The following ZC2HC1B variants were observed in gnomAD, a reference collection of about 807,000 sequenced individuals.
ZC2HC1B encodes zinc finger C2HC-type containing 1B.
ZC2HC1B carries 36 observed loss-of-function variants against 31.0 expected under a neutral mutation model. The ratio of observed to expected loss-of-function variants is 1.16; its 90% CI spans 0.89 to 1.54. ZC2HC1B has a LOEUF of 1.54. Among genes scored for constraint, ZC2HC1B ranks in the 40% most tolerant of loss-of-function variants. The probability of loss-of-function intolerance (pLI) is 0.00; values close to 1 mark genes in which losing one functional copy is unlikely to be tolerated. For missense variants in ZC2HC1B, 260 were observed against 268.6 expected (o/e 0.97, Z 0.22); for synonymous variants, 73 against 88.0 (o/e 0.83, Z 0.95).
At chr6:143,900,217 C>T (rs934301547) in intron 5 of ZC2HC1B, among the ~76,000 whole-genome samples, 7 of 151,832 alleles carry the variant, frequency 4.6e-5, no homozygotes, top group African/African-American at 1.7e-4. Flanking sequence ...TGGAGAAACC[C>T]CGTCTCTACT....
In ZC2HC1B at chr6:143,903,088, T is replaced by C; in HGVS notation, c.534T>C (p.Ser178=). The change falls in exon 6 of 8, where the codon AGT becomes AGC. Residue 178 remains serine, a synonymous_variant. Coordinates refer to ENST00000237275, the MANE Select transcript of ZC2HC1B (RefSeq NM_001013623.3). The surrounding 1 kb of genome is among the most constrained non-coding windows in gnomAD (Gnocchi z 4.3). ...CAAAAAAAGAACCAACTGTTACCAG[T>C]GCTGTGGGAGCTTTGCTGCAGAACA... ...MGPKKEPTVT[S]AVGALLQNRV... 1.3e-6 allele frequency: 2 copies of C among 1,551,940 alleles called. No individual in the cohort carries two copies. The highest frequency in any genetic ancestry group is 8.7e-7 in the Non-Finnish European group (1 of 1,147,018).
rs527255975 is a variant in ZC2HC1B, at chr6:143,934,465, A to G, written c.599-3184A>G. ...GCATTTCATCAATTTTTTTGTTGCAATCTGTTGCTGGAGAATTGTATTCCT... is the reference window on the plus strand; with the variant it reads ...GCATTTCATCAATTTTTTTGTTGCAGTCTGTTGCTGGAGAATTGTATTCCT... On this transcript the variant is annotated intron_variant, in intron 6 of 7. Transcript: ENST00000237275. This position sits in a 1 kb window ranked among gnomAD's most constrained non-coding sequence, Gnocchi z 4.6. Among the ~76,000 whole-genome samples the G allele has an allele frequency of 7.0e-4, 107 of 152,142 alleles. No individual in the cohort carries two copies. Among genetic ancestry groups the G allele is most frequent in the Non-Finnish European group, 1.4e-3 (92 of 68,004 alleles).
rs774028763 is a variant in ZC2HC1B, at chr6:143,926,828, CTTTTTTTTTTT to C, written c.599-10805_599-10795del. Among the ~76,000 whole-genome samples the C allele has an allele frequency of 2.4e-3, 188 of 78,828 alleles. 1 individual carries two copies. The highest frequency in any genetic ancestry group is 6.4e-3 in the African/African-American group (122 of 19,058). 51.7% of individuals were successfully genotyped at this position (78,828 alleles called of 152,430 possible). A position where few individuals can be genotyped will look rare whatever the true frequency, so the allele number is the denominator to read the frequency against. On this transcript the variant is annotated intron_variant, in intron 6 of 7. Coordinates refer to ENST00000237275, the MANE Select transcript of ZC2HC1B (RefSeq NM_001013623.3). ...TCATATATATTTAGAATTGTATCTT[CTTTTTTTTTTT>C]TTTTTTTTTTTTTTTGAGACGGAGT... is the stretch of plus-strand genomic sequence containing the variant.
At chr6:143,879,008 T>C (rs1777438256) in intron 1 of ZC2HC1B, among the ~76,000 whole-genome samples, 1 of 152,006 alleles carries the variant, frequency 6.6e-6, no homozygotes, top group Non-Finnish European at 1.5e-5. Flanking sequence ...AGACTTGCGG[T>C]GTGGGGCAGG....
chr6:143,910,130 A>T (rs1429848086), intron 6 of ZC2HC1B, among the ~76,000 whole-genome samples: 2 of 152,200 alleles, frequency 1.3e-5, no homozygotes, highest in Non-Finnish European at 2.9e-5. Flanking sequence ...AATTTCAAAG[A>T]ACTTGATTTC....
Position 143,886,903 on chromosome 6 carries a change from G to C in ZC2HC1B, c.349+82G>C, listed in dbSNP as rs1399874767. ...CATGCCCTCTATGCACTCTGAAATTGACAATAACAATTACATAGAAGTAAT... is the reference window on the plus strand; with the variant it reads ...CATGCCCTCTATGCACTCTGAAATTCACAATAACAATTACATAGAAGTAAT... On this transcript the variant is annotated intron_variant, in intron 4 of 7. Transcript: ENST00000237275. The surrounding 1 kb of genome is among the most constrained non-coding windows in gnomAD (Gnocchi z 4.2). 1.1e-5 allele frequency: 13 copies of C among 1,220,144 alleles called. No individual in the cohort carries two copies. Among genetic ancestry groups the C allele is most frequent in the Non-Finnish European group, 1.2e-5 (11 of 937,760 alleles). 75.6% of individuals were successfully genotyped at this position (1,220,144 alleles called of 1,614,324 possible).
rs377068265 is a variant in ZC2HC1B at position 143,886,680 on chromosome 6, C to G, written c.211-3C>G. ...TATTATTTGTTGGTTTTATTTTTTACAGTCTCCACCTGTGAGGAAGTCTAA... is the reference window on the plus strand; with the variant it reads ...TATTATTTGTTGGTTTTATTTTTTAGAGTCTCCACCTGTGAGGAAGTCTAA... On this transcript the variant is annotated splice_polypyrimidine_tract_variant and splice_region_variant and intron_variant, in intron 3 of 7. Transcript: ENST00000237275. This position sits in a 1 kb window ranked among gnomAD's most constrained non-coding sequence, Gnocchi z 4.2. The G allele has an allele frequency of 1.4e-5, 21 of 1,521,898 alleles. No individual in the cohort carries two copies. In the African/African-American group the frequency reaches 2.7e-4, roughly 19 times the overall value. 94.3% of individuals were successfully genotyped at this position (1,521,898 alleles called of 1,614,324 possible).
chr6:143,931,952 C>T (rs1300157754), intron 6 of ZC2HC1B, among the ~76,000 whole-genome samples: 2 of 151,302 alleles, frequency 1.3e-5, no homozygotes, highest in Admixed American at 6.6e-5. Context: ...GCAACCTCCA[C>T]CTCCCAGGTT....
Position 143,886,944 on chromosome 6 carries a change from A to G in ZC2HC1B, c.349+123A>G. On this transcript the variant is annotated intron_variant, in intron 4 of 7. Coordinates refer to ENST00000237275, the MANE Select transcript of ZC2HC1B (RefSeq NM_001013623.3). This position sits in a 1 kb window ranked among gnomAD's most constrained non-coding sequence, Gnocchi z 4.2. ...TAGAAGTAATTTTATTAATTATATA[A>G]AAGTAAACATCCTATTTTTTTCAAT... is the stretch of plus-strand genomic sequence containing the variant. 9.9e-7 allele frequency: 1 copy of G among 1,014,854 alleles called. No homozygotes were observed. Among genetic ancestry groups the G allele is most frequent in the East Asian group, 3.2e-5 (1 of 31,702 alleles). 62.9% of individuals were successfully genotyped at this position (1,014,854 alleles called of 1,614,324 possible).
intron 1 of ZC2HC1B, among the ~76,000 whole-genome samples, chr6:143,879,493 T>C (rs570311780): frequency 6.6e-6 from 1 of 152,334 alleles, no homozygotes; most frequent in East Asian, 1.9e-4. Context: ...GAGGCCGTTA[T>C]TCCACCCCCT....
intron 6 of ZC2HC1B, among the ~76,000 whole-genome samples, chr6:143,929,055 T>A (rs538234614): frequency 6.6e-6 from 1 of 152,272 alleles, no homozygotes; most frequent in East Asian, 1.9e-4. Context: ...TCTGACTTCC[T>A]CTTTTCCCAT....
intron 4 of ZC2HC1B, among the ~76,000 whole-genome samples, chr6:143,896,734 G>A (rs1013772483): frequency 2.6e-5 from 4 of 152,140 alleles, no homozygotes; most frequent in African/African-American, 9.7e-5. Flanking sequence ...TAAGGAGGTT[G>A]GGTAACTTGC....
rs771243289 is a variant in ZC2HC1B at position 143,937,738 on chromosome 6, GA to G, written c.*14+14del. ...AGATTAACTCCTAGAAGCCAGGTAA[GA>G]AAAAAAAATCACCGCTAATCCAGCT... On this transcript the variant is annotated splice_donor_region_variant and intron_variant, in intron 7 of 7. Coordinates refer to ENST00000237275, the MANE Select transcript of ZC2HC1B (RefSeq NM_001013623.3). 35 of 1,524,870 alleles carry G rather than the reference GA, an allele frequency of 2.3e-5. No homozygotes were observed. The highest frequency in any genetic ancestry group is 5.0e-5 in the South Asian group (4 of 80,118). The allele number at this position is 1,524,870 out of a possible 1,614,324, so 94.5% of individuals were successfully genotyped here. A position where few individuals can be genotyped will look rare whatever the true frequency, so the allele number is the denominator to read the frequency against.
rs1281003739 is a variant in ZC2HC1B at position 143,937,696 on chromosome 6, A to T, written c.646A>T (p.Ser216Cys). 4.5e-6 allele frequency: 7 copies of T among 1,551,088 alleles called. No individual in the cohort carries two copies. The highest frequency in any genetic ancestry group is 2.7e-5 in the African/African-American group (2 of 73,028). Residue 216 changes from serine (S) to cysteine (C), a missense_variant, in exon 7 of 8, where the codon AGT becomes TGT. Physicochemically the swap from Ser to Cys is moderately radical, Grantham distance 112. Transcript: ENST00000237275. ...TGGAGCAAAACTCAGACAAGGATTT[A>T]GTAAATCTTCTAAAAAAGATTAACT... ...ASGAKLRQGFSKSSKKD is the reference protein window; with the variant it reads ...ASGAKLRQGFCKSSKKD
chr6:143,871,652 T>C lies in ZC2HC1B; in HGVS notation c.28+7085T>C, dbSNP rs1582949531. Among the ~76,000 whole-genome samples, 2 of 152,222 alleles carry C rather than the reference T, an allele frequency of 1.3e-5. No homozygotes were observed. The highest frequency in any genetic ancestry group is 3.8e-4 in the East Asian group (2 of 5,204). On this transcript the variant is annotated intron_variant, in intron 1 of 7. Transcript: ENST00000237275. The surrounding 1 kb of genome is among the most constrained non-coding windows in gnomAD (Gnocchi z 4.1). ...AGGGATGTGGTAGGAATCACCACCC[T>C]GAGTCTTTCAAGTCCTTGATGGTGG...
At chr6:143,881,356 G>A (rs1274312497) in intron 1 of ZC2HC1B, among the ~76,000 whole-genome samples, 2 of 151,808 alleles carry the variant, frequency 1.3e-5, no homozygotes, top group African/African-American at 4.8e-5. Context: ...TTCGAGACCA[G>A]TCTAAGCAAT....
rs774747571 is a variant in ZC2HC1B at position 143,908,428 on chromosome 6, T to TAAAC, written c.598+5276_598+5277insAAAC. ...CATGAGCATGGTATATTTTTCCATT[T>TAAAC]GTTTGTGTCATCTCTGATTTCTTTG... is the stretch of plus-strand genomic sequence containing the variant. On this transcript the variant is annotated intron_variant, in intron 6 of 7. Coordinates refer to ENST00000237275, the MANE Select transcript of ZC2HC1B (RefSeq NM_001013623.3). This position sits in a 1 kb window ranked among gnomAD's most constrained non-coding sequence, Gnocchi z 4.4. 6.6e-5 allele frequency among the ~76,000 whole-genome samples: 10 copies of TAAAC among 152,246 alleles called. No individual in the cohort carries two copies. Among genetic ancestry groups the TAAAC allele is most frequent in the Non-Finnish European group, 1.0e-4 (7 of 68,040 alleles).
At chr6:143,891,956 G>A (rs1175206072) in intron 4 of ZC2HC1B, among the ~76,000 whole-genome samples, 3 of 152,140 alleles carry the variant, frequency 2.0e-5, no homozygotes, top group Non-Finnish European at 4.4e-5. Flanking sequence ...CTTAAAAGAT[G>A]CCAAGGTAAT....
In ZC2HC1B at chr6:143,870,675, G is replaced by A. The variant is rs921303047; in HGVS notation, c.28+6108G>A. On this transcript the variant is annotated intron_variant, in intron 1 of 7. Coordinates refer to ENST00000237275, the MANE Select transcript of ZC2HC1B (RefSeq NM_001013623.3). The surrounding 1 kb of genome is among the most constrained non-coding windows in gnomAD (Gnocchi z 4.7). Reference sequence around the variant, plus strand: ...AACGTTCAGTTTCCACCAAAGCCCAGTAACAGGCCAAGAGCTGTCTCTCAA... The same window carrying A: ...AACGTTCAGTTTCCACCAAAGCCCAATAACAGGCCAAGAGCTGTCTCTCAA... 2.0e-5 allele frequency among the ~76,000 whole-genome samples: 3 copies of A among 152,180 alleles called. No individual in the cohort carries two copies. Among genetic ancestry groups the A allele is most frequent in the Non-Finnish European group, 4.4e-5 (3 of 68,034 alleles).
Sources: allele counts gnomAD v4.1 joint callset (sites outside exome capture counted in the v4.1 genomes callset), GRCh38; gene constraint gnomAD v4.1.1; non-coding constraint Gnocchi (gnomAD v3.1); transcripts MANE v1.5; gene names NCBI Gene and HGNC (gene_info 2026-07-23, HGNC 2026-07-21).